TRIO: variants seen among roughly 807,000 people sequenced by gnomAD.
TRIO encodes triple functional domain protein.
A neutral mutation model predicts 351.9 loss-of-function variants in TRIO; 58 were observed. That is an observed-to-expected ratio of 0.16 (90% confidence interval 0.13 to 0.21). The LOEUF (loss-of-function observed/expected upper bound fraction) is 0.21. Among genes scored for constraint, TRIO ranks in the 10% least tolerant of loss-of-function variants. The probability of loss-of-function intolerance (pLI) is 1.00; values close to 1 mark genes in which losing one functional copy is unlikely to be tolerated. For missense variants in TRIO, 3,201 were observed against 4,027.8 expected (o/e 0.79, Z 5.56); for synonymous variants, 1,758 against 1,595.7 (o/e 1.10, Z -2.42).
At chr5:14,506,119 T>C (rs1757663240) in intron 55 of TRIO, among the ~76,000 whole-genome samples, 1 of 152,202 alleles carries the variant, frequency 6.6e-6, no homozygotes, top group Non-Finnish European at 1.5e-5. Flanking sequence ...CTCCAGACGC[T>C]GGTGACCAAT....
rs564340172 is a variant in TRIO, at chr5:14,502,810, G to C, written c.8411+153G>C. ...ATCGTAACTCTCATTGCCTTTAGAC[G>C]CTAAACACTGGGGAAGTAAGGAAGC... On this transcript the variant is annotated intron_variant, in intron 54 of 56. Coordinates refer to ENST00000344204, the MANE Select transcript of TRIO (RefSeq NM_007118.4). 2.0e-5 allele frequency among the ~76,000 whole-genome samples: 3 copies of C among 152,200 alleles called. No homozygotes were observed. The East Asian group carries it at 5.8e-4, about 29-fold the overall frequency.
chr5:14,222,797 C>T (rs1315420289), intron 1 of TRIO, among the ~76,000 whole-genome samples: 1 of 152,188 alleles, frequency 6.6e-6, no homozygotes, highest in East Asian at 1.9e-4. Flanking sequence ...AATCCTGAAG[C>T]CCCAGTTGAT....
At position 14,502,624 on chromosome 5, in the gene TRIO, A is replaced by G. The variant is rs1408247076; in HGVS notation, c.8378A>G (p.Asp2793Gly). The G allele has an allele frequency of 3.7e-6, 6 of 1,613,990 alleles. No homozygotes were observed. The East Asian group carries it at 1.3e-4, about 36-fold the overall frequency. Residue 2793 changes from aspartate (D) to glycine (G), a missense_variant, in exon 54 of 57, where the codon GAC becomes GGC. Transcript: ENST00000344204. Reference sequence around the variant, plus strand: ...ATGGTGACCTGGAAAGACAACTTTGACTCCTTCTACAGTGAAGTGGCTGAG... The same window carrying G: ...ATGGTGACCTGGAAAGACAACTTTGGCTCCTTCTACAGTGAAGTGGCTGAG... The part of the protein sequence containing the change: ...GIMVTWKDNF[D>G]SFYSEVAELG...
chr5:14,197,599 A>G (rs1790860808), intron 1 of TRIO, among the ~76,000 whole-genome samples: 1 of 152,244 alleles, frequency 6.6e-6, no homozygotes, highest in South Asian at 2.1e-4. Flanking sequence ...GCCAAGAACT[A>G]TGAAGGGTCT....
At chr5:14,420,651 G>A (rs534480405) in intron 34 of TRIO, 1 of 153,052 alleles carries the variant, frequency 6.5e-6, no homozygotes, top group African/African-American at 2.4e-5. Context: ...GAACAGCGGT[G>A]GGCTTCCCCT....
At chr5:14,280,544 A>G in intron 3 of TRIO, 108 bp downstream of exon 3, 1 of 935,268 alleles carries the variant, frequency 1.1e-6, no homozygotes, top group Middle Eastern at 2.2e-4. Flanking sequence ...CAGGCAAAGT[A>G]GTATAAAATG....
intron 1 of TRIO, among the ~76,000 whole-genome samples, chr5:14,164,118 T>C (rs1420659323): frequency 6.6e-6 from 1 of 152,236 alleles, no homozygotes; most frequent in Non-Finnish European, 1.5e-5. Flanking sequence ...AGCCTGACCC[T>C]GTTGGATATA....
chr5:14,172,582 TTTGG>T (rs1789160707), intron 1 of TRIO, among the ~76,000 whole-genome samples: 1 of 152,136 alleles, frequency 6.6e-6, no homozygotes, highest in Non-Finnish European at 1.5e-5. Flanking sequence ...CAGAAACACA[TTTGG>T]TCACAATAAC....
intron 33 of TRIO, among the ~76,000 whole-genome samples, chr5:14,411,301 A>C (rs1749175916): frequency 6.6e-6 from 1 of 152,238 alleles, no homozygotes; most frequent in South Asian, 2.1e-4. Flanking sequence ...ATTTATAATC[A>C]TTAAACTAAA....
At chr5:14,462,001 T>C (rs1418775066) in intron 35 of TRIO, among the ~76,000 whole-genome samples, 1 of 152,224 alleles carries the variant, frequency 6.6e-6, no homozygotes, top group Non-Finnish European at 1.5e-5. Context: ...ATGCTGGAGA[T>C]GGCCTTCAGC....
chr5:14,451,771 C>A (rs1284263229), intron 34 of TRIO, among the ~76,000 whole-genome samples: 3 of 152,260 alleles, frequency 2.0e-5, no homozygotes, highest in Non-Finnish European at 2.9e-5. Flanking sequence ...TAAATCCTTA[C>A]AACTAGAATT....
rs369580703 is a variant in TRIO at position 14,462,723 on chromosome 5, A to G, written c.5497-32A>G. 199 of 1,613,120 alleles carry G rather than the reference A, an allele frequency of 1.2e-4. No individual in the cohort carries two copies. The African/African-American group carries it at 2.4e-3, about 20-fold the overall frequency. On this transcript the variant is annotated intron_variant, in intron 35 of 56. Transcript: ENST00000344204. ...GGTCCACGTCTGTGAACTGGCCTGG[A>G]ATATAATGAGCAAATCTTGACTGGA... is the stretch of plus-strand genomic sequence containing the variant.
In TRIO at chr5:14,227,839, G is replaced by A. The variant is rs111457597; in HGVS notation, c.158-42986G>A. Among the ~76,000 whole-genome samples the A allele has an allele frequency of 4.1e-3, 624 of 152,328 alleles. 4 individuals are homozygous for A. Among genetic ancestry groups the A allele is most frequent in the African/African-American group, 0.014 (588 of 41,562 alleles). The stretch of plus-strand genomic sequence containing the variant: ...CTTTAGTCTCAATGGAAAGGTTATG[G>A]TATAAGAATGTTAGCTTTTCAGTGT... On this transcript the variant is annotated intron_variant, in intron 1 of 56. Coordinates refer to ENST00000344204, the MANE Select transcript of TRIO (RefSeq NM_007118.4).
intron 21 of TRIO, among the ~76,000 whole-genome samples, chr5:14,385,526 C>T (rs1332653023): frequency 1.3e-5 from 2 of 152,120 alleles, no homozygotes; most frequent in Admixed American, 6.5e-5. Context: ...TGCAAGTACA[C>T]GTGTAAGAAA....
At chr5:14,202,302 T>A (rs1252606540) in intron 1 of TRIO, among the ~76,000 whole-genome samples, 2 of 80,702 alleles carry the variant, frequency 2.5e-5, no homozygotes, top group African/African-American at 1.2e-4. Context: ...TGATTTTTTT[T>A]TTTTTTTTTT....
intron 1 of TRIO, among the ~76,000 whole-genome samples, chr5:14,192,515 C>A (rs1248992558): frequency 1.3e-5 from 2 of 152,106 alleles, no homozygotes; most frequent in Non-Finnish European, 2.9e-5. Context: ...CTCAAGTGAT[C>A]CTCCCGCTTC....
At chr5:14,165,517 G>A (rs1227827775) in intron 1 of TRIO, among the ~76,000 whole-genome samples, 1 of 152,120 alleles carries the variant, frequency 6.6e-6, no homozygotes, top group East Asian at 1.9e-4. Context: ...CCATTGGCGG[G>A]CACGTGGGTT....
chr5:14,341,576 A>G (rs191082828), intron 11 of TRIO, among the ~76,000 whole-genome samples: 2 of 152,380 alleles, frequency 1.3e-5, no homozygotes, highest in East Asian at 3.9e-4. Flanking sequence ...TTAATGATAG[A>G]TTTAGTGATT....
chr5:14,421,081 C>G (rs1027111954), intron 34 of TRIO, among the ~76,000 whole-genome samples: 33 of 152,108 alleles, frequency 2.2e-4, no homozygotes, highest in Admixed American at 2.2e-3. Flanking sequence ...AGTCACTCTG[C>G]CCCTCACAAA....
Sources: allele counts gnomAD v4.1 joint callset (sites outside exome capture counted in the v4.1 genomes callset), GRCh38; gene constraint gnomAD v4.1.1; transcripts MANE v1.5; gene names NCBI Gene and HGNC (gene_info 2026-07-23, HGNC 2026-07-21).